The following CFHR5 variants were observed in gnomAD, a reference collection of about 807,000 sequenced individuals.
CFHR5 encodes complement factor H related 5.
In CFHR5, 73 loss-of-function variants were observed where a neutral mutation model predicts 62.9. The ratio of observed to expected loss-of-function variants is 1.16; its 90% CI spans 0.96 to 1.41. The LOEUF is 1.41. CFHR5 is among the 40% of genes most tolerant of loss of function. The probability of loss-of-function intolerance (pLI) is 0.00; values close to 1 mark genes in which losing one functional copy is unlikely to be tolerated. For synonymous variants in CFHR5, 249 were observed against 227.2 expected, an observed-to-expected ratio of 1.10 and a Z score of -0.86; for missense variants, 779 against 679.9, an observed-to-expected ratio of 1.15 and a Z score of -1.62.
chr1:196,999,798 T>C (rs1654096497), intron 7 of CFHR5, among the ~76,000 whole-genome samples: 1 of 144,622 alleles, frequency 6.9e-6, no homozygotes, highest in Non-Finnish European at 1.5e-5. Flanking sequence ...TATATGTGTG[T>C]ATATATATGT....
rs116937944 is a variant in CFHR5, at chr1:197,002,704, G to A, written c.1330+40G>A. 1.7e-5 allele frequency: 25 copies of A among 1,496,114 alleles called. No homozygotes were observed. The East Asian group carries it at 4.1e-4, about 24-fold the overall frequency. The allele number at this position is 1,496,114 out of a possible 1,614,324, so 92.7% of individuals were successfully genotyped here. A position where few individuals can be genotyped will look rare whatever the true frequency, so the allele number is the denominator to read the frequency against. Reference sequence around the variant, plus strand: ...TCTAAGTAATTTCACTTAAAAAGAGGTTATTAATCCCCTTTGCTTTATCTA... The same window carrying A: ...TCTAAGTAATTTCACTTAAAAAGAGATTATTAATCCCCTTTGCTTTATCTA... On this transcript the variant is annotated intron_variant, in intron 8 of 9. Transcript: ENST00000256785.
At chr1:196,979,256 C>CTGTG (rs57862148) in intron 1 of CFHR5, among the ~76,000 whole-genome samples, 25,773 of 148,412 alleles carry the variant, frequency 0.17, 3,078 homozygotes, top group East Asian at 0.58. Flanking sequence ...AGGTAATTGT[C>CTGTG]TGTGTGTGTG....
chr1:197,008,874 G>A lies in CFHR5; in HGVS notation c.*191G>A, dbSNP rs1207518441. Reference sequence around the variant, plus strand: ...GAGAACAATGTTTCACTTAATAGGAGGGTGTCTTAGTCCATATTACATTGT... The same window carrying A: ...GAGAACAATGTTTCACTTAATAGGAAGGTGTCTTAGTCCATATTACATTGT... On this transcript the variant is annotated 3_prime_UTR_variant, in exon 10 of 10. Coordinates refer to ENST00000256785, the MANE Select transcript of CFHR5 (RefSeq NM_030787.4). 1.7e-5 allele frequency: 10 copies of A among 586,544 alleles called. No individual in the cohort carries two copies. The highest frequency in any genetic ancestry group is 2.7e-5 in the Non-Finnish European group (9 of 327,932). The allele number at this position is 586,544 out of a possible 1,614,324, so 36.3% of individuals were successfully genotyped here. A position where few individuals can be genotyped will look rare whatever the true frequency, so the allele number is the denominator to read the frequency against.
intron 1 of CFHR5, among the ~76,000 whole-genome samples, chr1:196,982,383 C>A (rs1653565073): frequency 6.6e-6 from 1 of 152,096 alleles, no homozygotes; most frequent in Non-Finnish European, 1.5e-5. Context: ...TTAACAATGA[C>A]CTCGTCGGTC....
At chr1:196,991,769 C>A (rs182110258) in intron 3 of CFHR5, among the ~76,000 whole-genome samples, 2 of 152,126 alleles carry the variant, frequency 1.3e-5, no homozygotes, top group African/African-American at 4.8e-5. Context: ...TTCATCCCAG[C>A]GGGGCACCCA....
intron 1 of CFHR5, 46 bp from the exon 2 acceptor site, chr1:196,982,839 A>T (rs764759854): frequency 9.8e-6 from 15 of 1,527,112 alleles, no homozygotes; most frequent in Non-Finnish European, 1.2e-5. Flanking sequence ...TGATTCATCG[A>T]TGTAGCTCTT....
intron 1 of CFHR5, among the ~76,000 whole-genome samples, chr1:196,978,037 T>C (rs1000871731): frequency 6.6e-6 from 1 of 152,176 alleles, no homozygotes; most frequent in Non-Finnish European, 1.5e-5. Flanking sequence ...TAATTCTGCA[T>C]AAACTCTGCA....
At position 196,994,202 on chromosome 1, in the gene CFHR5, G is replaced by C; in HGVS notation, c.553G>C (p.Asp185His). ...CRKNLIRVGSDSVQCYQFGWS... is the reference protein window; with the variant it reads ...CRKNLIRVGSHSVQCYQFGWS... ...AAAAAATCTTATAAGAGTTGGATCAGACTCAGTTCAATGTTACCAATTTGG... is the reference window on the plus strand; with the variant it reads ...AAAAAATCTTATAAGAGTTGGATCACACTCAGTTCAATGTTACCAATTTGG... The change falls in exon 4 of 10, where the codon GAC becomes CAC. Residue 185 changes from aspartate to histidine, a missense_variant. By Grantham distance (81) the Asp-to-His change is moderately conservative. Transcript: ENST00000256785. The C allele has an allele frequency of 1.9e-6, 3 of 1,613,678 alleles. No individual in the cohort carries two copies. The highest frequency in any genetic ancestry group is 1.7e-6 in the Non-Finnish European group (2 of 1,179,788).
chr1:196,979,714 A>G (rs1653488896), intron 1 of CFHR5, among the ~76,000 whole-genome samples: 1 of 152,012 alleles, frequency 6.6e-6, no homozygotes, highest in Non-Finnish European at 1.5e-5. Flanking sequence ...TACTTGAGCT[A>G]GGTAAATTTA....
intron 8 of CFHR5, among the ~76,000 whole-genome samples, chr1:197,003,854 T>G (rs1654212107): frequency 1.3e-5 from 2 of 152,134 alleles, no homozygotes; most frequent in African/African-American, 4.8e-5. Flanking sequence ...GGTTGGTGAA[T>G]GATTAAGTGG....
intron 3 of CFHR5, among the ~76,000 whole-genome samples, chr1:196,986,303 C>T (rs901904344): frequency 2.6e-5 from 4 of 151,938 alleles, no homozygotes; most frequent in African/African-American, 7.3e-5. Flanking sequence ...TTTACAACAC[C>T]ATGCAATAAC....
At chr1:197,006,962 G>A (rs1353565536) in intron 9 of CFHR5, among the ~76,000 whole-genome samples, 1 of 151,434 alleles carries the variant, frequency 6.6e-6, no homozygotes, top group African/African-American at 2.4e-5. Context: ...TCAGCCTCCC[G>A]AGTAGTTGGG....
chr1:196,981,117 A>G (rs769959968), intron 1 of CFHR5, among the ~76,000 whole-genome samples: 2 of 152,176 alleles, frequency 1.3e-5, no homozygotes, highest in Non-Finnish European at 2.9e-5. Flanking sequence ...CTAGGTAGTT[A>G]AAAAAGAGAA....
intron 6 of CFHR5, 102 bp from the exon 7 acceptor site, chr1:196,998,026 T>C: frequency 1.3e-6 from 1 of 759,980 alleles, no homozygotes; most frequent in Non-Finnish European, 2.2e-6. Context: ...AGAATAAGTT[T>C]TGTGATGTTG....
chr1:196,981,960 A>C (rs1571511394), intron 1 of CFHR5, among the ~76,000 whole-genome samples: 2 of 151,694 alleles, frequency 1.3e-5, no homozygotes, highest in African/African-American at 4.8e-5. Context: ...TACAGCATTT[A>C]CCAGAATTTA....
intron 3 of CFHR5, among the ~76,000 whole-genome samples, chr1:196,989,892 G>C (rs78873647): frequency 6.6e-6 from 1 of 152,120 alleles, no homozygotes; most frequent in African/African-American, 2.4e-5. Flanking sequence ...AGGTCCGCTT[G>C]GTGCAGAGCT....
Position 196,983,857 on chromosome 1 carries a change from C to CT in CFHR5, c.254-104_254-103insT. 4.1e-6 allele frequency: 3 copies of CT among 729,410 alleles called. No individual in the cohort carries two copies. In the Admixed American group the frequency reaches 7.4e-5, roughly 18 times the overall value. The allele number at this position is 729,410 out of a possible 1,614,324, so 45.2% of individuals were successfully genotyped here. On this transcript the variant is annotated intron_variant, in intron 2 of 9. Coordinates refer to ENST00000256785, the MANE Select transcript of CFHR5 (RefSeq NM_030787.4). Reference sequence around the variant, plus strand: ...ACCCAAATTCTTTTGAAAATATTTACACATGATGTCAGTTTTCAAAGTTTT... The same window carrying CT: ...ACCCAAATTCTTTTGAAAATATTTACTACATGATGTCAGTTTTCAAAGTTTT...
At chr1:196,987,320 A>G (rs1003074562) in intron 3 of CFHR5, among the ~76,000 whole-genome samples, 1 of 151,736 alleles carries the variant, frequency 6.6e-6, no homozygotes, top group Non-Finnish European at 1.5e-5. Context: ...TTGCCTGTTC[A>G]CTCTGATGGT....
intron 3 of CFHR5, among the ~76,000 whole-genome samples, chr1:196,988,806 T>C (rs979489164): frequency 6.6e-5 from 10 of 152,286 alleles, no homozygotes; most frequent in Admixed American, 1.3e-4. Flanking sequence ...TCGATGTTCA[T>C]CAGGGATATG....
Sources: allele counts gnomAD v4.1 joint callset (sites outside exome capture counted in the v4.1 genomes callset), GRCh38; gene constraint gnomAD v4.1.1; transcripts MANE v1.5; gene names NCBI Gene and HGNC (gene_info 2026-07-23, HGNC 2026-07-21).